Variants in CNTNAP2 observed in about 807,000 individuals in gnomAD.
CNTNAP2 encodes contactin-associated protein-like 2.
CNTNAP2 carries 98 observed loss-of-function variants against 155.2 expected under a neutral mutation model. That is an observed-to-expected ratio of 0.63 (90% confidence interval 0.54 to 0.75). CNTNAP2 has a LOEUF of 0.75. Among genes scored for constraint, CNTNAP2 ranks in the 30% least tolerant of loss-of-function variants. The pLI is 0.00. For missense variants in CNTNAP2, 1,727 were observed against 1,688.1 expected (o/e 1.02, Z -0.40); for synonymous variants, 651 against 631.2 (o/e 1.03, Z -0.47).
At chr7:147,549,454 T>A (rs1799808434) in intron 11 of CNTNAP2, among the ~76,000 whole-genome samples, 1 of 152,168 alleles carries the variant, frequency 6.6e-6, no homozygotes, top group Non-Finnish European at 1.5e-5. Flanking sequence ...TGATTTTGTA[T>A]CCTGAGATTT....
intron 13 of CNTNAP2, among the ~76,000 whole-genome samples, chr7:147,704,928 T>C (rs910422532): frequency 1.3e-5 from 2 of 152,124 alleles, no homozygotes; most frequent in African/African-American, 4.8e-5. Context: ...GTCTCTTTTC[T>C]ATTTCTCATT....
chr7:146,191,195 A>G (rs1362295185), intron 1 of CNTNAP2, among the ~76,000 whole-genome samples: 1 of 152,156 alleles, frequency 6.6e-6, no homozygotes, highest in African/African-American at 2.4e-5. Flanking sequence ...AATAAAGGGA[A>G]AGAGTACAAA....
intron 1 of CNTNAP2, among the ~76,000 whole-genome samples, chr7:146,665,800 A>AAAAAAAAAAAAAAC (rs1563179456): frequency 2.8e-5 from 4 of 144,706 alleles, no homozygotes; most frequent in African/African-American, 8.0e-5. Context: ...AAAAAAAAAT[A>AAAAAAAAAAAAAAC]CATTTTGTAA....
At chr7:146,422,773 C>A (rs993964613) in intron 1 of CNTNAP2, among the ~76,000 whole-genome samples, 9 of 152,112 alleles carry the variant, frequency 5.9e-5, no homozygotes, top group African/African-American at 2.2e-4. Context: ...TGACCTGAAC[C>A]ATCACAAGGC....
intron 1 of CNTNAP2, among the ~76,000 whole-genome samples, chr7:146,168,781 T>C (rs938431347): frequency 6.6e-6 from 1 of 152,176 alleles, no homozygotes; most frequent in Non-Finnish European, 1.5e-5. Context: ...ACCCAAGAAC[T>C]ATTTTCAATG....
chr7:147,621,546 A>G (rs550989380), intron 12 of CNTNAP2, among the ~76,000 whole-genome samples: 1 of 152,126 alleles, frequency 6.6e-6, no homozygotes, highest in African/African-American at 2.4e-5. Flanking sequence ...GTTTGTTTAT[A>G]CAAACAGTGT....
chr7:147,623,613 A>G (rs1794910428), intron 12 of CNTNAP2, among the ~76,000 whole-genome samples: 1 of 152,086 alleles, frequency 6.6e-6, no homozygotes, highest in Non-Finnish European at 1.5e-5. Context: ...AACACCAATA[A>G]GATGAAAAGG....
At chr7:146,166,642 T>A (rs1210474005) in intron 1 of CNTNAP2, among the ~76,000 whole-genome samples, 3 of 152,192 alleles carry the variant, frequency 2.0e-5, no homozygotes, top group African/African-American at 7.2e-5. Context: ...GAAAATAAAC[T>A]TGGAAATTAA....
intron 1 of CNTNAP2, among the ~76,000 whole-genome samples, chr7:146,549,911 A>T (rs1195571153): frequency 1.3e-5 from 2 of 152,086 alleles, no homozygotes; most frequent in Non-Finnish European, 1.5e-5. Context: ...TCAACACTGT[A>T]ACAGGTTGAG....
At chr7:146,355,833 A>G (rs1384679537) in intron 1 of CNTNAP2, among the ~76,000 whole-genome samples, 1 of 152,102 alleles carries the variant, frequency 6.6e-6, no homozygotes, top group Admixed American at 6.6e-5. Flanking sequence ...CCCAACTGGT[A>G]CTTTTCATAC....
rs560854720 is a variant in CNTNAP2, at chr7:147,126,635, A to G, written c.940-2058A>G. The stretch of plus-strand genomic sequence containing the variant: ...ATTACAGGCATGCACCACCACGCCC[A>G]GCTAATTTTGTATTTTTAGTAGAGA... On this transcript the variant is annotated intron_variant, in intron 6 of 23. Transcript: ENST00000361727. Among the ~76,000 whole-genome samples the G allele has an allele frequency of 1.2e-4, 19 of 152,102 alleles. No individual in the cohort carries two copies. In the South Asian group the frequency reaches 3.7e-3, roughly 30 times the overall value.
intron 10 of CNTNAP2, among the ~76,000 whole-genome samples, chr7:147,405,405 T>G (rs183364453): frequency 6.6e-6 from 1 of 152,312 alleles, no homozygotes; most frequent in Admixed American, 6.5e-5. Flanking sequence ...TTCATTTAAC[T>G]GCTCTCCCCT....
At chr7:146,838,931 T>C (rs1215273033) in intron 2 of CNTNAP2, among the ~76,000 whole-genome samples, 1 of 152,206 alleles carries the variant, frequency 6.6e-6, no homozygotes, top group Non-Finnish European at 1.5e-5. Context: ...ATATTTTCTG[T>C]AACTTATTTT....
In CNTNAP2 at chr7:146,726,770, C is replaced by G. The variant is rs143327896; in HGVS notation, c.98-47501C>G. On this transcript the variant is annotated intron_variant, in intron 1 of 23. Coordinates refer to ENST00000361727, the MANE Select transcript of CNTNAP2 (RefSeq NM_014141.6). ...GTGAATGACCTCATTTTACAGTTTA[C>G]TAATCTATAAATGAACATTAAGTAC... 9.2e-5 allele frequency among the ~76,000 whole-genome samples: 14 copies of G among 152,176 alleles called. No homozygotes were observed. The East Asian group carries it at 2.7e-3, about 29-fold the overall frequency.
At chr7:146,780,168 C>T (rs560452646) in intron 2 of CNTNAP2, among the ~76,000 whole-genome samples, 1 of 150,538 alleles carries the variant, frequency 6.6e-6, no homozygotes, top group Non-Finnish European at 1.5e-5. Flanking sequence ...TCCACATCCT[C>T]GCCAGCATCT....
At chr7:147,631,317 G>T (rs756510033) in intron 12 of CNTNAP2, among the ~76,000 whole-genome samples, 48 of 151,994 alleles carry the variant, frequency 3.2e-4, no homozygotes, top group Non-Finnish European at 5.6e-4. Flanking sequence ...CAAAACACTG[G>T]TGAAAGAAAT....
chr7:146,237,489 G>T (rs1017559805), intron 1 of CNTNAP2, among the ~76,000 whole-genome samples: 1 of 152,166 alleles, frequency 6.6e-6, no homozygotes, highest in Non-Finnish European at 1.5e-5. Flanking sequence ...TGATCAATCC[G>T]TAAGTTACAT....
chr7:146,785,043 C>T (rs925563873), intron 2 of CNTNAP2, among the ~76,000 whole-genome samples: 5 of 150,926 alleles, frequency 3.3e-5, no homozygotes, highest in South Asian at 2.1e-4. Context: ...GATCAGGGCT[C>T]GCTACAGCCT....
At chr7:147,757,320 GC>G (rs1563078345) in intron 13 of CNTNAP2, among the ~76,000 whole-genome samples, 1 of 152,052 alleles carries the variant, frequency 6.6e-6, no homozygotes, top group Non-Finnish European at 1.5e-5. Context: ...TTTAAAGAAC[GC>G]TTTTTTCTGA....
Sources: gnomAD v4.1 joint callset for allele counts (sites outside exome capture counted in the v4.1 genomes callset) on GRCh38, gnomAD v4.1.1 for gene constraint, MANE v1.5 for transcripts, NCBI Gene and HGNC (gene_info 2026-07-23, HGNC 2026-07-21) for gene names.